The following FUT8 variants were observed in gnomAD, a reference collection of about 807,000 sequenced individuals.
FUT8 encodes the protein alpha-(1,6)-fucosyltransferase.
Under a neutral mutation model 71.3 loss-of-function variants are expected in FUT8, and 29 were observed. The ratio of observed to expected loss-of-function variants is 0.41; its 90% CI spans 0.30 to 0.55. The LOEUF is 0.55. Among genes scored for constraint, FUT8 ranks in the 20% least tolerant of loss-of-function variants. The pLI is 0.34. For missense variants in FUT8, 544 were observed against 702.1 expected (o/e 0.77, Z 2.55); for synonymous variants, 254 against 239.3 (o/e 1.06, Z -0.57).
the FUT8 span, among the ~76,000 whole-genome samples, chr14:65,393,979 G>A: frequency 1.3e-4 from 20 of 152,024 alleles, no homozygotes; most frequent in African/African-American, 2.9e-4. Context: ...TATTTTAGAC[G>A]GAGTTTTGCT....
chr14:65,412,349 G>A, upstream of FUT8: 1 of 455,970 alleles, frequency 2.2e-6, no homozygotes, highest in Non-Finnish European at 4.4e-6. Context: ...GCCCCCTAGG[G>A]CCGCCGACTG....
intron 3 of FUT8, among the ~76,000 whole-genome samples, chr14:65,583,631 G>C (rs563101459): frequency 7.8e-5 from 11 of 141,354 alleles, no homozygotes; most frequent in Middle Eastern, 3.6e-3. Flanking sequence ...TATTTAGATT[G>C]CTGAAAATAA....
chr14:65,734,888 G>C (rs2139392296), intron 10 of FUT8, among the ~76,000 whole-genome samples: 2 of 152,234 alleles, frequency 1.3e-5, no homozygotes, highest in Middle Eastern at 3.4e-3. Flanking sequence ...TCTTTGTTGT[G>C]AGGAGCCGTA....
rs1365673471 is a variant in FUT8 at position 65,603,738 on chromosome 14, G to A, written c.204-12240G>A. 6.6e-6 allele frequency among the ~76,000 whole-genome samples: 1 copy of A among 151,702 alleles called. No individual in the cohort carries two copies. The highest frequency in any genetic ancestry group is 1.5e-5 in the Non-Finnish European group (1 of 67,906). ...AAGGTATACAGGCAACAGATAGGAC[G>A]ATGAATGGAATAGTACCTCACATCT... On this transcript the variant is annotated intron_variant, in intron 3 of 10. Coordinates refer to ENST00000673929, the MANE Select transcript of FUT8 (RefSeq NM_001371533.1). The surrounding 1 kb of genome is among the most constrained non-coding windows in gnomAD (Gnocchi z 4.5).
At chr14:65,388,356 A>G in the FUT8 span, among the ~76,000 whole-genome samples, 8 of 152,326 alleles carry the variant, frequency 5.3e-5, no homozygotes, top group Admixed American at 2.0e-4. Flanking sequence ...ACTGTATTAG[A>G]TATGTAGTAA....
chr14:65,696,099 A>AC (rs1233807593), intron 7 of FUT8, among the ~76,000 whole-genome samples: 12 of 152,158 alleles, frequency 7.9e-5, no homozygotes, highest in African/African-American at 2.9e-4. Context: ...AGCTATGATC[A>AC]CCAAATACAT....
chr14:65,702,854 T>A (rs1894377427), intron 7 of FUT8, among the ~76,000 whole-genome samples: 1 of 152,152 alleles, frequency 6.6e-6, no homozygotes, highest in African/African-American at 2.4e-5. Flanking sequence ...TTCTCCTGCC[T>A]CAGCTACTCA....
intron 7 of FUT8, among the ~76,000 whole-genome samples, chr14:65,703,654 G>A (rs942668125): frequency 6.6e-6 from 1 of 152,182 alleles, no homozygotes; most frequent in African/African-American, 2.4e-5. Flanking sequence ...TGGAAGCAGA[G>A]GCAGCTGGGG....
At chr14:65,699,914 T>G (rs1300573585) in intron 7 of FUT8, among the ~76,000 whole-genome samples, 1 of 152,188 alleles carries the variant, frequency 6.6e-6, no homozygotes, top group East Asian at 1.9e-4. Flanking sequence ...TTATATATTC[T>G]AGTCTAACCC....
chr14:65,505,692 T>C (rs895896178), intron 2 of FUT8, among the ~76,000 whole-genome samples: 2 of 152,188 alleles, frequency 1.3e-5, no homozygotes, highest in Non-Finnish European at 2.9e-5. Context: ...TTTAGAAAAT[T>C]AAGAGTGGAA....
chr14:65,490,774 T>C (rs1184136916), intron 2 of FUT8, among the ~76,000 whole-genome samples: 1 of 152,112 alleles, frequency 6.6e-6, no homozygotes, highest in Non-Finnish European at 1.5e-5. Flanking sequence ...AGATTATATA[T>C]AAGGGTTATG....
intron 3 of FUT8, among the ~76,000 whole-genome samples, chr14:65,608,123 AC>A (rs1370004589): frequency 6.6e-6 from 1 of 150,860 alleles, no homozygotes; most frequent in African/African-American, 2.4e-5. Flanking sequence ...TAGATTTTTG[AC>A]CACTGAAAAT....
the FUT8 span, among the ~76,000 whole-genome samples, chr14:65,362,961 CAAAAAAAAAAAA>C: frequency 2.9e-5 from 2 of 69,348 alleles, no homozygotes; most frequent in Admixed American, 2.0e-4. Context: ...GACTCTGTTT[CAAAAAAAAAAAA>C]AAAAAAAAAA....
chr14:65,442,311 G>A (rs545176321), intron 1 of FUT8, among the ~76,000 whole-genome samples: 3 of 151,918 alleles, frequency 2.0e-5, no homozygotes, highest in East Asian at 3.9e-4. Context: ...GAGTAGCTGG[G>A]ATTACAAGCA....
intron 3 of FUT8, among the ~76,000 whole-genome samples, chr14:65,610,585 C>T (rs946757281): frequency 6.6e-6 from 1 of 151,654 alleles, no homozygotes; most frequent in African/African-American, 2.4e-5. Flanking sequence ...GACGGGGTTT[C>T]TCCATGTTGG....
intron 2 of FUT8, among the ~76,000 whole-genome samples, chr14:65,549,313 A>AT (rs34042238): frequency 0.13 from 19,153 of 145,492 alleles, 1,543 homozygotes; most frequent in East Asian, 0.4. Context: ...TAGTTTTGTC[A>AT]TTTTTTTTTT....
intron 1 of FUT8, among the ~76,000 whole-genome samples, chr14:65,422,689 G>A (rs1386020471): frequency 2.0e-5 from 3 of 151,850 alleles, no homozygotes; most frequent in African/African-American, 7.2e-5. Flanking sequence ...TTATTTTTTT[G>A]TAGAGACAGG....
intron 6 of FUT8, among the ~76,000 whole-genome samples, chr14:65,637,859 A>G (rs1051884005): frequency 1.2e-4 from 19 of 152,130 alleles, no homozygotes; most frequent in Non-Finnish European, 2.5e-4. Flanking sequence ...ATTTTGCCCA[A>G]ATAGGAGAGG....
intron 1 of FUT8, among the ~76,000 whole-genome samples, chr14:65,423,120 G>A (rs2065325610): frequency 6.6e-6 from 1 of 151,274 alleles, no homozygotes; most frequent in South Asian, 2.1e-4. Flanking sequence ...TGAGTAGCTG[G>A]GACTACAGGT....
Sources: allele counts gnomAD v4.1 joint callset (sites outside exome capture counted in the v4.1 genomes callset), GRCh38; gene constraint gnomAD v4.1.1; non-coding constraint Gnocchi (gnomAD v3.1); transcripts MANE v1.5; gene names NCBI Gene and HGNC (gene_info 2026-07-23, HGNC 2026-07-21).